The following STK3 variants were observed in gnomAD, a reference collection of about 807,000 sequenced individuals.
STK3 encodes the protein serine/threonine kinase 3.
Under a neutral mutation model 58.0 loss-of-function variants are expected in STK3, and 41 were observed. That is an observed-to-expected ratio of 0.71 (90% confidence interval 0.55 to 0.92). The LOEUF is 0.92. Ranked by LOEUF, STK3 falls within the 40% of genes least tolerant of loss-of-function variation. STK3 has a pLI of 0.00. For synonymous variants in STK3, 170 were observed against 191.0 expected (o/e 0.89, Z 0.91); for missense variants, 479 against 602.7 (o/e 0.79, Z 2.15).
chr8:98,825,910 A>G (rs1439504254), upstream of STK3, among the ~76,000 whole-genome samples: 2 of 143,530 alleles, frequency 1.4e-5, no homozygotes, highest in East Asian at 2.1e-4. Flanking sequence ...GGCGGCCCAG[A>G]GAAGGTGGAC....
At chr8:98,480,035 A>G (rs530526072) in intron 10 of STK3, among the ~76,000 whole-genome samples, 2 of 152,188 alleles carry the variant, frequency 1.3e-5, no homozygotes, top group Admixed American at 6.5e-5. Context: ...AAATTACCCA[A>G]TCTGAAGAGG....
At chr8:98,350,935 T>A in the STK3 span, among the ~76,000 whole-genome samples, 2 of 152,050 alleles carry the variant, frequency 1.3e-5, no homozygotes, top group Non-Finnish European at 2.9e-5. Flanking sequence ...TGCAGGACTT[T>A]ACAGAGAAAG....
intron 3 of STK3, among the ~76,000 whole-genome samples, chr8:98,846,194 T>A (rs1010059144): frequency 2.0e-5 from 3 of 152,206 alleles, no homozygotes; most frequent in African/African-American, 7.2e-5. Flanking sequence ...AATGTAGACT[T>A]CCATCTTCCA....
chr8:98,710,501 G>A (rs997002340), intron 4 of STK3, among the ~76,000 whole-genome samples: 2 of 152,186 alleles, frequency 1.3e-5, no homozygotes, highest in African/African-American at 4.8e-5. Context: ...TATATCCCGC[G>A]CCTGGCTTGG....
chr8:98,713,791 T>C (rs1298186237), intron 4 of STK3, among the ~76,000 whole-genome samples: 1 of 151,988 alleles, frequency 6.6e-6, no homozygotes, highest in Non-Finnish European at 1.5e-5. Flanking sequence ...GCCAGCATCA[T>C]CCTGATACCA....
chr8:98,801,372 C>G (rs369047810), intron 1 of STK3, among the ~76,000 whole-genome samples: 3 of 152,046 alleles, frequency 2.0e-5, no homozygotes, highest in Non-Finnish European at 4.4e-5. Context: ...AGTGGTAACC[C>G]GCTCGGTCCC....
chr8:98,931,473 T>G (rs1431406875), intron 1 of STK3, among the ~76,000 whole-genome samples: 1 of 152,174 alleles, frequency 6.6e-6, no homozygotes, highest in Non-Finnish European at 1.5e-5. Context: ...TGATCCCTCA[T>G]GCACATAATT....
intron 10 of STK3, among the ~76,000 whole-genome samples, chr8:98,510,282 T>C (rs931389991): frequency 3.3e-5 from 5 of 152,094 alleles, no homozygotes; most frequent in Non-Finnish European, 7.4e-5. Context: ...ATGCCACAAA[T>C]ATGCAAGTCC....
At chr8:98,871,877 G>A (rs1256868849) in intron 3 of STK3, among the ~76,000 whole-genome samples, 1 of 152,046 alleles carries the variant, frequency 6.6e-6, no homozygotes, top group Non-Finnish European at 1.5e-5. Context: ...TTCCAACACT[G>A]TGTTGAATAG....
rs554795023 is a variant in STK3, at chr8:98,738,998, C to T, written c.351+10278G>A. Among the ~76,000 whole-genome samples the T allele has an allele frequency of 1.4e-3, 208 of 152,344 alleles. 1 individual carries two copies. Among genetic ancestry groups the T allele is most frequent in the African/African-American group, 4.9e-3 (205 of 41,586 alleles). On this transcript the variant is annotated intron_variant, in intron 4 of 10. Coordinates refer to ENST00000419617, the MANE Select transcript of STK3 (RefSeq NM_006281.4). ...GGAGTCTCACTGATTGCTAGCACAG[C>T]AGTCTGAGATCAAACTGCAAGGCAG...
At chr8:98,639,912 A>G (rs764997601) in intron 6 of STK3, among the ~76,000 whole-genome samples, 12 of 152,256 alleles carry the variant, frequency 7.9e-5, no homozygotes, top group Non-Finnish European at 1.0e-4. Context: ...GGAGTTCAAG[A>G]CTAGCCTGGC....
chr8:98,353,710 A>T, the STK3 span, among the ~76,000 whole-genome samples: 1 of 152,234 alleles, frequency 6.6e-6, no homozygotes, highest in South Asian at 2.1e-4. Flanking sequence ...GCATTTCCCA[A>T]CTGATAAATG....
At chr8:98,655,232 G>C (rs1312398042) in intron 6 of STK3, among the ~76,000 whole-genome samples, 1 of 152,128 alleles carries the variant, frequency 6.6e-6, no homozygotes, top group African/African-American at 2.4e-5. Flanking sequence ...CAAGCAATGG[G>C]GAAAGGATCC....
intron 6 of STK3, among the ~76,000 whole-genome samples, chr8:98,680,155 T>C (rs1002665462): frequency 2.6e-5 from 4 of 152,184 alleles, no homozygotes; most frequent in African/African-American, 9.7e-5. Flanking sequence ...TGAGTATCTG[T>C]TATCTGAAAG....
intron 10 of STK3, among the ~76,000 whole-genome samples, chr8:98,520,721 G>A (rs192741080): frequency 7.8e-4 from 119 of 152,058 alleles, no homozygotes; most frequent in Middle Eastern, 3.4e-3. Context: ...GCATCATGAA[G>A]AGGGAAGATA....
intron 4 of STK3, among the ~76,000 whole-genome samples, chr8:98,725,546 G>T (rs1827738694): frequency 6.6e-6 from 1 of 152,032 alleles, no homozygotes; most frequent in African/African-American, 2.4e-5. Context: ...TTAGAAATTT[G>T]CCATCCAAGG....
intron 1 of STK3, among the ~76,000 whole-genome samples, chr8:98,818,829 TTTG>T (rs1834713534): frequency 6.6e-6 from 1 of 152,114 alleles, no homozygotes; most frequent in Non-Finnish European, 1.5e-5. Flanking sequence ...ATGAATTTTT[TTTG>T]TTGTTTTTTT....
chr8:98,785,327 T>C (rs1832391359), intron 1 of STK3, among the ~76,000 whole-genome samples: 1 of 152,206 alleles, frequency 6.6e-6, no homozygotes, highest in South Asian at 2.1e-4. Context: ...TCCAGGCAGA[T>C]GTCCAGCCAT....
chr8:98,886,349 T>C (rs1045332160), intron 1 of STK3, among the ~76,000 whole-genome samples: 1 of 152,218 alleles, frequency 6.6e-6, no homozygotes, highest in African/African-American at 2.4e-5. Flanking sequence ...ACATGACAGG[T>C]TGAGCAATCC....
Sources: gnomAD v4.1 joint callset for allele counts (sites outside exome capture counted in the v4.1 genomes callset) on GRCh38, gnomAD v4.1.1 for gene constraint, MANE v1.5 for transcripts, NCBI Gene and HGNC (gene_info 2026-07-23, HGNC 2026-07-21) for gene names.